Variants in SLC35D2 observed in about 807,000 individuals in gnomAD.
SLC35D2 encodes the protein solute carrier family 35 member D2.
SLC35D2 carries 43 observed loss-of-function variants against 41.8 expected under a neutral mutation model. The observed-to-expected ratio is 1.03, with a 90% CI of 0.81 to 1.33. The LOEUF (loss-of-function observed/expected upper bound fraction) is 1.33, where lower values mean the gene tolerates loss of function less well. SLC35D2 is among the 40% of genes most tolerant of loss of function. The pLI is 0.00. For missense variants in SLC35D2, 380 were observed against 408.4 expected (o/e 0.93, Z 0.60); for synonymous variants, 150 against 163.9 (o/e 0.92, Z 0.65).
Position 96,321,221 on chromosome 9 carries a change from T to C in SLC35D2, c.*21A>G, listed in dbSNP as rs1404548636. On this transcript the variant is annotated 3_prime_UTR_variant, in exon 12 of 12. Transcript: ENST00000253270. ...CCCAGCCCGCAGTCACAAGTCAGTCTCCAATCCTGCTGCAGACTCTTTAGC... is the reference window on the plus strand; with the variant it reads ...CCCAGCCCGCAGTCACAAGTCAGTCCCCAATCCTGCTGCAGACTCTTTAGC... The C allele has an allele frequency of 6.3e-7, 1 of 1,588,038 alleles. No homozygotes were observed. The highest frequency in any genetic ancestry group is 8.6e-7 in the Non-Finnish European group (1 of 1,157,206).
At chr9:96,327,642 G>C (rs1828603247) in intron 9 of SLC35D2, among the ~76,000 whole-genome samples, 1 of 148,470 alleles carries the variant, frequency 6.7e-6, no homozygotes, top group African/African-American at 2.5e-5. Flanking sequence ...TTTTTTTAAA[G>C]ATGGGGTCTC....
intron 1 of SLC35D2, among the ~76,000 whole-genome samples, chr9:96,369,105 G>T (rs1349765535): frequency 6.6e-6 from 1 of 152,046 alleles, no homozygotes; most frequent in Non-Finnish European, 1.5e-5. Flanking sequence ...ATACTCTGGG[G>T]GGAGATGGTG....
intron 4 of SLC35D2, among the ~76,000 whole-genome samples, chr9:96,358,077 A>T (rs1247757189): frequency 2.4e-5 from 2 of 82,248 alleles, no homozygotes; most frequent in South Asian, 6.8e-4. Flanking sequence ...AATATTATAT[A>T]TTTTATATAT....
At chr9:96,334,634 T>C (rs1449310961) in intron 9 of SLC35D2, among the ~76,000 whole-genome samples, 1 of 151,828 alleles carries the variant, frequency 6.6e-6, no homozygotes, top group Non-Finnish European at 1.5e-5. Context: ...TGAGACTCCA[T>C]CTCAAAAAAA....
chr9:96,339,385 T>C (rs1829207235), intron 8 of SLC35D2, among the ~76,000 whole-genome samples: 4 of 152,226 alleles, frequency 2.6e-5, no homozygotes. Flanking sequence ...CCGGGATTAC[T>C]GGCGTGAGCC....
chr9:96,347,712 T>C (rs1829640834), intron 6 of SLC35D2, among the ~76,000 whole-genome samples: 1 of 152,126 alleles, frequency 6.6e-6, no homozygotes, highest in African/African-American at 2.4e-5. Flanking sequence ...AAAATGAAGC[T>C]GAAACCTACT....
chr9:96,337,021 C>T (rs574704176), intron 8 of SLC35D2, among the ~76,000 whole-genome samples: 26 of 152,242 alleles, frequency 1.7e-4, no homozygotes, highest in Admixed American at 1.7e-3. Flanking sequence ...TTCCTCAAAA[C>T]GTTGATATAA....
intron 3 of SLC35D2, 47 bp downstream of exon 3, chr9:96,364,417 T>C: frequency 8.8e-7 from 1 of 1,134,410 alleles, no homozygotes; most frequent in Non-Finnish European, 1.3e-6. Context: ...AATCAATGTG[T>C]ATTTTCACAT....
chr9:96,348,850 T>C (rs1829690691), intron 6 of SLC35D2, among the ~76,000 whole-genome samples: 1 of 152,236 alleles, frequency 6.6e-6, no homozygotes, highest in Non-Finnish European at 1.5e-5. Context: ...GATCACTGGT[T>C]CTGGAAACGC....
intron 1 of SLC35D2, among the ~76,000 whole-genome samples, chr9:96,379,671 C>T (rs979479594): frequency 6.6e-6 from 1 of 152,156 alleles, no homozygotes; most frequent in African/African-American, 2.4e-5. Flanking sequence ...ATTGTTGTAA[C>T]CACATCAACC....
At chr9:96,348,239 T>C (rs912211277) in intron 6 of SLC35D2, among the ~76,000 whole-genome samples, 3 of 152,296 alleles carry the variant, frequency 2.0e-5, no homozygotes, top group South Asian at 4.2e-4. Flanking sequence ...TTTCTGGCCA[T>C]GTAACTTGTT....
rs115190149 is a variant in SLC35D2 at position 96,364,770 on chromosome 9, G to A, written c.193-220C>T. Among the ~76,000 whole-genome samples the A allele has an allele frequency of 1.3e-3, 202 of 152,016 alleles. 1 individual carries two copies. The highest frequency in any genetic ancestry group is 4.7e-3 in the African/African-American group (195 of 41,450). On this transcript the variant is annotated intron_variant, in intron 2 of 11. Transcript: ENST00000253270. ...AACTCCAGGCAAAAAACGTAACGTC[G>A]GGCAGGGCACGGTGGCTCACAGCTA...
intron 9 of SLC35D2, among the ~76,000 whole-genome samples, chr9:96,325,555 T>C (rs1050334911): frequency 5.3e-5 from 8 of 152,152 alleles, no homozygotes; most frequent in Non-Finnish European, 7.4e-5. Context: ...TGGCGGCACA[T>C]GCCTGTAATC....
At chr9:96,337,542 T>C (rs1220831227) in intron 8 of SLC35D2, among the ~76,000 whole-genome samples, 4 of 151,484 alleles carry the variant, frequency 2.6e-5, no homozygotes, top group South Asian at 4.2e-4. Context: ...TAATTAATAA[T>C]GTAGGCAAGA....
At chr9:96,316,484 C>CA (rs60745610), downstream of SLC35D2, among the ~76,000 whole-genome samples, 79,739 of 149,516 alleles carry the variant, frequency 0.53, 21,429 homozygotes, top group African/African-American at 0.6. Flanking sequence ...GACTCCATCT[C>CA]AAAAAAACAA....
chr9:96,383,360 G>T, intron 1 of SLC35D2, 117 bp downstream of exon 1: 1 of 686,164 alleles, frequency 1.5e-6, no homozygotes, highest in Non-Finnish European at 2.2e-6. Context: ...AATGTGCCCA[G>T]CTGAGACTCG....
chr9:96,359,582 T>G (rs1380300738), intron 4 of SLC35D2, among the ~76,000 whole-genome samples: 1 of 148,572 alleles, frequency 6.7e-6, no homozygotes, highest in East Asian at 2.0e-4. Flanking sequence ...CCCAGCTACT[T>G]GGGAGGCTGA....
At chr9:96,382,281 C>A (rs1031622426) in intron 1 of SLC35D2, among the ~76,000 whole-genome samples, 1 of 151,524 alleles carries the variant, frequency 6.6e-6, no homozygotes, top group East Asian at 1.9e-4. Context: ...ACACTGAGAC[C>A]CCACCTCTAC....
At chr9:96,371,729 T>C (rs1185189879) in intron 1 of SLC35D2, among the ~76,000 whole-genome samples, 5 of 116,464 alleles carry the variant, frequency 4.3e-5, no homozygotes, top group Non-Finnish European at 7.4e-5. Context: ...TTTTTTTTTT[T>C]TTTTTTTTTT....
Sources: allele counts gnomAD v4.1 joint callset (sites outside exome capture counted in the v4.1 genomes callset), GRCh38; gene constraint gnomAD v4.1.1; transcripts MANE v1.5; gene names NCBI Gene and HGNC (gene_info 2026-07-23, HGNC 2026-07-21).